Variants in EFCAB13 observed in about 807,000 individuals in gnomAD.
EFCAB13 encodes the protein EF-hand calcium binding domain 13.
EFCAB13 carries 91 observed loss-of-function variants against 110.2 expected under a neutral mutation model. The observed-to-expected ratio is 0.83, with a 90% CI of 0.70 to 0.98. The LOEUF (loss-of-function observed/expected upper bound fraction) is 0.98, where lower values mean the gene tolerates loss of function less well. EFCAB13 is among the 50% of genes least tolerant of loss of function. The pLI is 0.00. For synonymous variants in EFCAB13, 323 were observed against 369.9 expected (o/e 0.87, Z 1.45); for missense variants, 968 against 1,119.4 (o/e 0.86, Z 1.93).
intron 24 of EFCAB13, chr17:47,430,536 A>C (rs1905094461): frequency 6.6e-6 from 1 of 152,134 alleles, no homozygotes; most frequent in African/African-American, 2.4e-5. Context: ...ATGTGGGCCA[A>C]GAGTTTTTTT....
intron 5 of EFCAB13, among the ~76,000 whole-genome samples, chr17:47,339,233 T>G (rs1054159571): frequency 3.9e-5 from 6 of 152,150 alleles, no homozygotes; most frequent in Non-Finnish European, 5.9e-5. Context: ...CTTCTAAAAT[T>G]TAATTCAAAT....
chr17:47,424,419 AAGG>A (rs1181075384), intron 23 of EFCAB13, among the ~76,000 whole-genome samples: 3 of 152,234 alleles, frequency 2.0e-5, no homozygotes, highest in African/African-American at 7.2e-5. Flanking sequence ...GTCAGCCCAG[AAGG>A]AGAACTCACT....
In EFCAB13 at chr17:47,412,776, T is replaced by A; in HGVS notation, c.2282T>A (p.Ile761Asn). ...TTGTGTACATTTATCTTTGTAGAGA[T>A]TAAAGAAGCTGCTAACATCTTGTCA... is the stretch of plus-strand genomic sequence containing the variant. ...SNLKLPKVNEIKEAANILSHV... is the reference protein window; with the variant it reads ...SNLKLPKVNENKEAANILSHV... The change falls in exon 22 of 25, where the codon ATT becomes AAT. Residue 761 changes from isoleucine to asparagine, a missense_variant. Ile to Asn is a moderately radical substitution (Grantham distance 149). Coordinates refer to ENST00000331493, the MANE Select transcript of EFCAB13 (RefSeq NM_152347.5). The A allele has an allele frequency of 6.2e-7, 1 of 1,613,000 alleles. No homozygotes were observed.
chr17:47,328,035 T>G (rs2065297384), intron 3 of EFCAB13: 3 of 469,194 alleles, frequency 6.4e-6, no homozygotes, highest in African/African-American at 2.0e-5. Flanking sequence ...TTGTATGCCA[T>G]TTGAAACTGG....
In EFCAB13 at chr17:47,345,051, T is replaced by C; in HGVS notation, c.470T>C (p.Leu157Ser). The change falls in exon 8 of 25, where the codon TTA becomes TCA. Residue 157 changes from leucine to serine, a missense_variant. Coordinates refer to ENST00000331493, the MANE Select transcript of EFCAB13 (RefSeq NM_152347.5). ...ATGCTGTCTAACCTCTACATGACAT[T>C]ATATGATGAAGTAACCCATGGATAT... Reference protein sequence around the residue: ...KEMLSNLYMTLYDEVTHGYLH... With the variant: ...KEMLSNLYMTSYDEVTHGYLH... 1 of 1,607,010 alleles carries C rather than the reference T, an allele frequency of 6.2e-7. No homozygotes were observed. Among genetic ancestry groups the C allele is most frequent in the Non-Finnish European group, 8.5e-7 (1 of 1,176,738 alleles).
Position 47,379,223 on chromosome 17 carries a change from G to T in EFCAB13, c.1552G>T (p.Ala518Ser), listed in dbSNP as rs550540724. 3.1e-6 allele frequency: 5 copies of T among 1,613,374 alleles called. No individual in the cohort carries two copies. The South Asian group carries it at 5.5e-5, about 18-fold the overall frequency. ...GTTAGATGACTTTGTAAATGCTCTC[G>T]CCAAGGAGCGAAGTTTTCCTGAATG... is the stretch of plus-strand genomic sequence containing the variant. Reference protein sequence around the residue: ...VELDDFVNALAKERSFPECNA... With the variant: ...VELDDFVNALSKERSFPECNA... Residue 518 changes from alanine to serine, a missense_variant, in exon 14 of 25, where the codon GCC (alanine) becomes TCC (serine). Ala to Ser is a moderately conservative substitution (Grantham distance 99). Coordinates refer to ENST00000331493, the MANE Select transcript of EFCAB13 (RefSeq NM_152347.5).
chr17:47,396,258 A>G (rs141271391), intron 17 of EFCAB13, among the ~76,000 whole-genome samples: 2,577 of 152,246 alleles, frequency 0.017, 68 homozygotes, highest in Admixed American at 0.078. Flanking sequence ...GCATATCCCA[A>G]TGAACACAGA....
At chr17:47,420,142 G>T (rs968775900) in intron 23 of EFCAB13, among the ~76,000 whole-genome samples, 4 of 152,242 alleles carry the variant, frequency 2.6e-5, no homozygotes, top group African/African-American at 9.7e-5. Context: ...TGGAGACGGG[G>T]TTTCGCTGTG....
Position 47,391,629 on chromosome 17 carries a change from G to A in EFCAB13, c.1726+49G>A, listed in dbSNP as rs372379174. The A allele has an allele frequency of 5.9e-5, 85 of 1,445,128 alleles. No individual in the cohort carries two copies. In the African/African-American group the frequency reaches 8.4e-4, roughly 14 times the overall value. 89.5% of individuals were successfully genotyped at this position (1,445,128 alleles called of 1,614,324 possible). The stretch of plus-strand genomic sequence containing the variant: ...ACTGCATTGACACATCTGGAAGGAG[G>A]GTCAATTTGTTATTTTTTTCTTAGA... On this transcript the variant is annotated intron_variant, in intron 15 of 24. Coordinates refer to ENST00000331493, the MANE Select transcript of EFCAB13 (RefSeq NM_152347.5).
intron 4 of EFCAB13, among the ~76,000 whole-genome samples, chr17:47,331,032 G>A (rs1259120515): frequency 6.6e-6 from 1 of 152,016 alleles, no homozygotes. Context: ...GTGATGTTGA[G>A]CATTTTTCAT....
rs534670489 is a variant in EFCAB13 at position 47,354,389 on chromosome 17, A to AT, written c.661+6446dup. 1.4e-4 allele frequency among the ~76,000 whole-genome samples: 21 copies of AT among 152,040 alleles called. No individual in the cohort carries two copies. In the South Asian group the frequency reaches 3.5e-3, roughly 26 times the overall value. The stretch of plus-strand genomic sequence containing the variant: ...TGTTCTGTAAATTTCTGTTAGATCA[A>AT]TTTTTTTTAGAGTATAGTTTAAGTC... On this transcript the variant is annotated intron_variant, in intron 9 of 24. Transcript: ENST00000331493.
intron 8 of EFCAB13, among the ~76,000 whole-genome samples, chr17:47,346,699 T>C (rs2065418749): frequency 6.6e-6 from 1 of 152,158 alleles, no homozygotes; most frequent in South Asian, 2.1e-4. Context: ...ATTCATATCC[T>C]TTCATCTTGT....
At chr17:47,422,406 A>G (rs1019819022) in intron 23 of EFCAB13, among the ~76,000 whole-genome samples, 3 of 152,196 alleles carry the variant, frequency 2.0e-5, no homozygotes, top group African/African-American at 7.2e-5. Context: ...GCAAAACAGA[A>G]TAAGAAAGAT....
At chr17:47,368,817 A>G (rs1169200309) in intron 10 of EFCAB13, among the ~76,000 whole-genome samples, 1 of 152,208 alleles carries the variant, frequency 6.6e-6, no homozygotes, top group Non-Finnish European at 1.5e-5. Flanking sequence ...TGACTTTTCC[A>G]CACTAAAGAA....
intron 24 of EFCAB13, among the ~76,000 whole-genome samples, chr17:47,438,941 A>G (rs182575063): frequency 6.6e-6 from 1 of 152,072 alleles, no homozygotes; most frequent in Admixed American, 6.6e-5. Flanking sequence ...TACCATCTCA[A>G]GACTGCTATC....
At position 47,374,752 on chromosome 17, in the gene EFCAB13, G is replaced by A. The variant is rs752122959; in HGVS notation, c.1158G>A (p.Lys386=). Residue 386 remains lysine, a synonymous_variant, in exon 12 of 25, where the codon AAG becomes AAA. Transcript: ENST00000331493. The stretch of plus-strand genomic sequence containing the variant: ...TAGGAGTCCAAGAACCATATTCAAA[G>A]AATGGCATAAACTTTAAAAAACATT... ...SNVGVQEPYS[K]NGINFKKHSE... 2 of 1,614,024 alleles carry A rather than the reference G, an allele frequency of 1.2e-6. No homozygotes were observed. Among genetic ancestry groups the A allele is most frequent in the South Asian group, 1.1e-5 (1 of 91,082 alleles).
chr17:47,411,878 G>A (rs1340485904), intron 21 of EFCAB13, among the ~76,000 whole-genome samples: 3 of 152,166 alleles, frequency 2.0e-5, no homozygotes, highest in African/African-American at 7.2e-5. Flanking sequence ...GATCACTTGA[G>A]CTCAGGAGTT....
intron 9 of EFCAB13, among the ~76,000 whole-genome samples, chr17:47,351,105 A>G (rs771785846): frequency 6.6e-6 from 1 of 152,050 alleles, no homozygotes; most frequent in African/African-American, 2.4e-5. Flanking sequence ...TTCATGCTCT[A>G]TGTCCATGTG....
chr17:47,365,385 C>A (rs1287595832), intron 10 of EFCAB13, among the ~76,000 whole-genome samples: 1 of 152,122 alleles, frequency 6.6e-6, no homozygotes, highest in Non-Finnish European at 1.5e-5. Flanking sequence ...AGGTCCTTAT[C>A]TTTTGACCAG....
Sources: gnomAD v4.1 joint callset for allele counts (sites outside exome capture counted in the v4.1 genomes callset) on GRCh38, gnomAD v4.1.1 for gene constraint, MANE v1.5 for transcripts, NCBI Gene and HGNC (gene_info 2026-07-23, HGNC 2026-07-21) for gene names.